ZMAT4: variants seen among roughly 807,000 people sequenced by gnomAD.
ZMAT4 encodes the protein zinc finger matrin-type protein 4.
ZMAT4 carries 17 observed loss-of-function variants against 28.7 expected under a neutral mutation model. That is an observed-to-expected ratio of 0.59 (90% CI 0.41 to 0.89). The LOEUF (loss-of-function observed/expected upper bound fraction) is 0.89, where lower values mean the gene tolerates loss of function less well. Ranked by LOEUF, ZMAT4 falls within the 40% of genes least tolerant of loss-of-function variation. The pLI is 0.00. For missense variants in ZMAT4, 240 were observed against 283.8 expected, an observed-to-expected ratio of 0.85 and a Z score of 1.11; for synonymous variants, 117 against 109.2, an observed-to-expected ratio of 1.07 and a Z score of -0.44.
intron 5 of ZMAT4, among the ~76,000 whole-genome samples, chr8:40,607,211 G>A (rs2722440): frequency 0.77 from 113,213 of 146,924 alleles, 43,573 homozygotes; most frequent in East Asian, 0.97. Flanking sequence ...TGCAAGCTCC[G>A]CCTCCTGGGT....
At position 40,544,519 on chromosome 8, in the gene ZMAT4, A is replaced by G. The variant is rs1161748523; in HGVS notation, c.675-12281T>C. ...ACAGTCGGACGACTAGGAAGCATCA[A>G]GACATGATCTCTCAGGCTTCTGAGC... is the stretch of plus-strand genomic sequence containing the variant. On this transcript the variant is annotated intron_variant, in intron 6 of 6. Coordinates refer to ENST00000297737, the MANE Select transcript of ZMAT4 (RefSeq NM_024645.3). Among the ~76,000 whole-genome samples the G allele has an allele frequency of 3.4e-4, 52 of 152,232 alleles. 1 individual carries two copies. The highest frequency in any genetic ancestry group is 3.3e-3 in the Admixed American group (51 of 15,272).
At chr8:40,801,356 A>ATATATATATATATATATATG (rs1814835339) in intron 2 of ZMAT4, among the ~76,000 whole-genome samples, 2 of 139,674 alleles carry the variant, frequency 1.4e-5, no homozygotes, top group African/African-American at 5.4e-5. Context: ...AAAAAAATAT[A>ATATATATATATATATATATG]TATATATATA....
intron 1 of ZMAT4, among the ~76,000 whole-genome samples, chr8:40,854,543 A>G (rs976656027): frequency 2.0e-5 from 3 of 152,216 alleles, no homozygotes; most frequent in African/African-American, 7.2e-5. Flanking sequence ...AGGGAGTCCA[A>G]TGCATCAGGC....
intron 2 of ZMAT4, among the ~76,000 whole-genome samples, chr8:40,813,387 G>A (rs982687010): frequency 2.6e-5 from 4 of 152,216 alleles, no homozygotes; most frequent in African/African-American, 9.6e-5. Context: ...AGCTAAGGCT[G>A]TTCATACAAC....
intron 1 of ZMAT4, among the ~76,000 whole-genome samples, chr8:40,841,507 A>C (rs979024763): frequency 6.6e-6 from 1 of 150,804 alleles, no homozygotes; most frequent in African/African-American, 2.4e-5. Context: ...ACATCCCCCT[A>C]CTCCTCTTAC....
intron 3 of ZMAT4, among the ~76,000 whole-genome samples, chr8:40,720,406 C>T (rs1201476735): frequency 6.6e-6 from 1 of 152,058 alleles, no homozygotes; most frequent in Non-Finnish European, 1.5e-5. Flanking sequence ...TTGCATTATC[C>T]CCTCCTCCTT....
intron 1 of ZMAT4, among the ~76,000 whole-genome samples, chr8:40,879,157 C>T (rs776599263): frequency 2.0e-5 from 3 of 152,172 alleles, no homozygotes; most frequent in African/African-American, 4.8e-5. Context: ...TATGGTGGTG[C>T]GTACCTACAA....
At chr8:40,874,998 C>G (rs1586204455) in intron 1 of ZMAT4, among the ~76,000 whole-genome samples, 1 of 152,198 alleles carries the variant, frequency 6.6e-6, no homozygotes, top group African/African-American at 2.4e-5. Flanking sequence ...AAAGCCCCCC[C>G]AAAATGCACA....
At chr8:40,891,256 G>GTA (rs1818669038) in intron 1 of ZMAT4, among the ~76,000 whole-genome samples, 1 of 112,874 alleles carries the variant, frequency 8.9e-6, no homozygotes, top group Non-Finnish European at 1.9e-5. Context: ...GGGGGAAGGG[G>GTA]GAGGGGGGAG....
intron 2 of ZMAT4, among the ~76,000 whole-genome samples, chr8:40,785,980 G>A (rs1024957780): frequency 3.9e-5 from 6 of 152,032 alleles, no homozygotes; most frequent in African/African-American, 1.4e-4. Flanking sequence ...AAAGGAGAGA[G>A]GGTTTAGCTG....
rs1459599625 is a variant in ZMAT4 at position 40,565,758 on chromosome 8, C to G, written c.674+15407G>C. ...TTTCCCAACTCAGGTTCCAGGCTAC[C>G]TTTTTTTTTTTTTTTAATAAGAGCT... is the stretch of plus-strand genomic sequence containing the variant. On this transcript the variant is annotated intron_variant, in intron 6 of 6. Transcript: ENST00000297737. Among the ~76,000 whole-genome samples, 39 of 140,674 alleles carry G rather than the reference C, an allele frequency of 2.8e-4. No homozygotes were observed. In the Admixed American group the frequency reaches 2.8e-3, roughly 10 times the overall value. 92.3% of individuals were successfully genotyped at this position (140,674 alleles called of 152,430 possible). A position where few individuals can be genotyped will look rare whatever the true frequency, so the allele number is the denominator to read the frequency against.
chr8:40,709,504 A>G (rs1057467041), intron 3 of ZMAT4, among the ~76,000 whole-genome samples: 3 of 152,254 alleles, frequency 2.0e-5, no homozygotes, highest in Non-Finnish European at 4.4e-5. Flanking sequence ...TTATCATCAG[A>G]CATTTCAACT....
intron 6 of ZMAT4, among the ~76,000 whole-genome samples, chr8:40,560,075 C>T (rs1480234083): frequency 3.3e-5 from 5 of 152,050 alleles, no homozygotes; most frequent in African/African-American, 9.7e-5. Flanking sequence ...GTCCTAATGA[C>T]AGTTTGTCCA....
At chr8:40,644,694 G>A (rs1266076999) in intron 5 of ZMAT4, among the ~76,000 whole-genome samples, 1 of 152,126 alleles carries the variant, frequency 6.6e-6, no homozygotes, top group Non-Finnish European at 1.5e-5. Flanking sequence ...GCTGGGGTGT[G>A]CATAATGAAT....
At chr8:40,550,744 G>T (rs1252828613) in intron 6 of ZMAT4, among the ~76,000 whole-genome samples, 1 of 152,060 alleles carries the variant, frequency 6.6e-6, no homozygotes, top group East Asian at 1.9e-4. Context: ...CACCATGATT[G>T]TAAGTTTCCT....
intron 6 of ZMAT4, among the ~76,000 whole-genome samples, chr8:40,569,792 G>A (rs879726395): frequency 2.2e-4 from 34 of 152,170 alleles, no homozygotes; most frequent in Admixed American, 2.2e-3. Context: ...AGGCCTAGCT[G>A]GACCCAACTG....
At chr8:40,672,485 G>C (rs747268313) in intron 5 of ZMAT4, among the ~76,000 whole-genome samples, 3 of 152,146 alleles carry the variant, frequency 2.0e-5, no homozygotes, top group Non-Finnish European at 4.4e-5. Flanking sequence ...CGCATTCCAT[G>C]GGCTACTGAG....
chr8:40,773,727 A>T, intron 2 of ZMAT4, among the ~76,000 whole-genome samples: 1 of 152,218 alleles, frequency 6.6e-6, no homozygotes, highest in East Asian at 1.9e-4. Context: ...TACAGAATGG[A>T]AATTCAAAAC....
chr8:40,704,699 T>C (rs1182357505), intron 3 of ZMAT4, among the ~76,000 whole-genome samples: 2 of 152,224 alleles, frequency 1.3e-5, no homozygotes, highest in African/African-American at 4.8e-5. Context: ...AACTAAATAG[T>C]TGAACGACTT....
Sources: gnomAD v4.1 joint callset for allele counts (sites outside exome capture counted in the v4.1 genomes callset) on GRCh38, gnomAD v4.1.1 for gene constraint, MANE v1.5 for transcripts, NCBI Gene and HGNC (gene_info 2026-07-23, HGNC 2026-07-21) for gene names.